The following GPATCH8 variants were observed in gnomAD, a reference collection of about 807,000 sequenced individuals.
GPATCH8 encodes the protein G-patch domain containing 8.
GPATCH8 carries 18 observed loss-of-function variants against 118.3 expected under a neutral mutation model. That is an observed-to-expected ratio of 0.15 (90% CI 0.11 to 0.23). The LOEUF (loss-of-function observed/expected upper bound fraction) is 0.23. Ranked by LOEUF, GPATCH8 falls within the 10% of genes least tolerant of loss-of-function variation. The pLI is 1.00. For synonymous variants in GPATCH8, 659 were observed against 684.7 expected, an observed-to-expected ratio of 0.96 and a Z score of 0.59; for missense variants, 1,631 against 1,873.8, an observed-to-expected ratio of 0.87 and a Z score of 2.39.
chr17:44,439,254 T>G (rs1444219441), intron 3 of GPATCH8, among the ~76,000 whole-genome samples: 2 of 152,186 alleles, frequency 1.3e-5, no homozygotes. Context: ...GAGAACTTTG[T>G]GCATTTGAAT....
chr17:44,418,048 G>C (rs185035457), intron 6 of GPATCH8, among the ~76,000 whole-genome samples: 2 of 152,162 alleles, frequency 1.3e-5, no homozygotes, highest in East Asian at 1.9e-4. Context: ...GTACTAGGAG[G>C]ACCTTTAGTG....
At chr17:44,437,760 G>A (rs866203148) in intron 3 of GPATCH8, among the ~76,000 whole-genome samples, 58 of 151,568 alleles carry the variant, frequency 3.8e-4, no homozygotes, top group African/African-American at 1.4e-3. Context: ...ACTTGTACTC[G>A]GTGGCTCTAT....
At chr17:44,431,378 G>GAAAAAAAAAAAAAAA (rs776468380) in intron 5 of GPATCH8, among the ~76,000 whole-genome samples, 1 of 47,794 alleles carries the variant, frequency 2.1e-5, no homozygotes. Context: ...TCTCAAAAAG[G>GAAAAAAAAAAAAAAA]AAAAAAAAAA....
chr17:44,421,525 C>T (rs1397008696), intron 6 of GPATCH8, among the ~76,000 whole-genome samples: 1 of 151,658 alleles, frequency 6.6e-6, no homozygotes, highest in Non-Finnish European at 1.5e-5. Context: ...ACTACCATGC[C>T]CAGCTAATTT....
At position 44,395,636 on chromosome 17, in the gene GPATCH8, G is replaced by A. The variant is rs778119729; in HGVS notation, c.*1932C>T. Reference sequence around the variant, plus strand: ...AAGAAGTGATGCTTCTGAATCAGATGAGTACTGAACAGGTAGGAGGGTGGG... The same window carrying A: ...AAGAAGTGATGCTTCTGAATCAGATAAGTACTGAACAGGTAGGAGGGTGGG... On this transcript the variant is annotated 3_prime_UTR_variant, in exon 8 of 8. Coordinates refer to ENST00000591680, the MANE Select transcript of GPATCH8 (RefSeq NM_001002909.4). 1 of 454,226 alleles carries A rather than the reference G, an allele frequency of 2.2e-6. No homozygotes were observed. The highest frequency in any genetic ancestry group is 4.4e-6 in the Non-Finnish European group (1 of 226,784). 28.1% of individuals were successfully genotyped at this position (454,226 alleles called of 1,614,324 possible). A position where few individuals can be genotyped will look rare whatever the true frequency, so the allele number is the denominator to read the frequency against.
chr17:44,448,970 G>A lies in GPATCH8; in HGVS notation c.194-12425C>T, dbSNP rs188975469. ...ATTTGCATTAAAAAATGGGGCAAGG[G>A]GATATTTAAAATATCATTTCCTGGG... is the stretch of plus-strand genomic sequence containing the variant. On this transcript the variant is annotated intron_variant, in intron 3 of 7. Transcript: ENST00000591680. 2.4e-3 allele frequency among the ~76,000 whole-genome samples: 364 copies of A among 152,140 alleles called. 4 individuals are homozygous for A. Among genetic ancestry groups the A allele is most frequent in the African/African-American group, 8.4e-3 (348 of 41,508 alleles).
At chr17:44,455,906 C>T (rs903107781) in intron 3 of GPATCH8, among the ~76,000 whole-genome samples, 3 of 152,076 alleles carry the variant, frequency 2.0e-5, no homozygotes, top group African/African-American at 7.2e-5. Flanking sequence ...CGCCACCATG[C>T]CCCGCTAATT....
chr17:44,478,977 C>G (rs1442939689), intron 1 of GPATCH8, among the ~76,000 whole-genome samples: 1 of 152,172 alleles, frequency 6.6e-6, no homozygotes, highest in African/African-American at 2.4e-5. Context: ...TCTAAAAGTT[C>G]TGGGATTACA....
intron 6 of GPATCH8, among the ~76,000 whole-genome samples, chr17:44,420,387 C>A (rs765660449): frequency 6.6e-6 from 1 of 152,114 alleles, no homozygotes. Context: ...TTAATTAATT[C>A]TGATAGAATA....
At chr17:44,487,899 T>C (rs1305701154) in intron 1 of GPATCH8, among the ~76,000 whole-genome samples, 1 of 152,076 alleles carries the variant, frequency 6.6e-6, no homozygotes, top group Admixed American at 6.6e-5. Context: ...TGTTTTTGTG[T>C]TAACGTTAAA....
intron 1 of GPATCH8, among the ~76,000 whole-genome samples, chr17:44,502,992 C>T (rs1970208672): frequency 1.3e-5 from 2 of 152,230 alleles, no homozygotes; most frequent in Non-Finnish European, 2.9e-5. Context: ...CCCTCTTGTC[C>T]CCTGGGAGCC....
Position 44,397,672 on chromosome 17 carries a change from G to C in GPATCH8, c.4405C>G (p.Pro1469Ala), listed in dbSNP as rs142093567. Residue 1469 changes from proline to alanine, a missense_variant, in exon 8 of 8, where the codon CCA (proline) becomes GCA (alanine). Around this residue, in one of 8 missense-constraint regions of GPATCH8, gnomAD observed 65 missense variants for 105.3 expected, o/e 0.62. Transcript: ENST00000591680. The part of the protein sequence containing the change: ...HAALYPTLLA[P>A]RPAAAAATAL... ...GTGGCAGCTGCTGCAGCAGGCCGTG[G>C]AGCAAGTAGGGTGGGGTAGAGGGCA... The C allele has an allele frequency of 1.9e-6, 3 of 1,613,008 alleles. No individual in the cohort carries two copies. The highest frequency in any genetic ancestry group is 1.7e-5 in the Admixed American group (1 of 59,946).
At chr17:44,433,335 T>G (rs1475144687) in intron 5 of GPATCH8, among the ~76,000 whole-genome samples, 2 of 152,210 alleles carry the variant, frequency 1.3e-5, no homozygotes, top group East Asian at 3.8e-4. Context: ...TATTTATTCA[T>G]TCAACTAATA....
At chr17:44,499,054 T>C (rs571414783) in intron 1 of GPATCH8, among the ~76,000 whole-genome samples, 4 of 152,354 alleles carry the variant, frequency 2.6e-5, no homozygotes, top group African/African-American at 7.2e-5. Context: ...TTACATAGAT[T>C]ACAGAAAGTT....
At chr17:44,478,656 G>A (rs763275082) in intron 1 of GPATCH8, among the ~76,000 whole-genome samples, 13 of 151,594 alleles carry the variant, frequency 8.6e-5, no homozygotes, top group Non-Finnish European at 1.5e-4. Flanking sequence ...CCAAGAGTCT[G>A]TCTCAAAAAC....
At chr17:44,402,025 A>T (rs1472160745) in intron 7 of GPATCH8, among the ~76,000 whole-genome samples, 4 of 44,322 alleles carry the variant, frequency 9.0e-5, no homozygotes, top group African/African-American at 2.0e-4. Flanking sequence ...AAAAAAAAAT[A>T]AAAAATAAAG....
In GPATCH8 at chr17:44,487,561, A is replaced by C. The variant is rs1235158629; in HGVS notation, c.46-12658T>G. Among the ~76,000 whole-genome samples, 6 of 152,340 alleles carry C rather than the reference A, an allele frequency of 3.9e-5. No homozygotes were observed. The East Asian group carries it at 1.2e-3, about 29-fold the overall frequency. ...GGATTGAACGGTAAAAAATAGGTTT[A>C]GGTTTGTAAGAAACTGCCAAACTGT... On this transcript the variant is annotated intron_variant, in intron 1 of 7. Coordinates refer to ENST00000591680, the MANE Select transcript of GPATCH8 (RefSeq NM_001002909.4).
At chr17:44,450,604 T>C (rs1359869072) in intron 3 of GPATCH8, among the ~76,000 whole-genome samples, 3 of 152,104 alleles carry the variant, frequency 2.0e-5, no homozygotes, top group Non-Finnish European at 4.4e-5. Context: ...TAAAAATATA[T>C]TACACTTTGT....
At chr17:44,438,238 C>A (rs1478897664) in intron 3 of GPATCH8, among the ~76,000 whole-genome samples, 5 of 152,082 alleles carry the variant, frequency 3.3e-5, no homozygotes, top group Non-Finnish European at 4.4e-5. Flanking sequence ...ATTTTGGTAT[C>A]TTTTTTGATC....
Sources: gnomAD v4.1 joint callset for allele counts (sites outside exome capture counted in the v4.1 genomes callset) on GRCh38, gnomAD v4.1.1 for gene constraint, gnomAD v4.1.1 regional missense constraint, MANE v1.5 for transcripts, NCBI Gene and HGNC (gene_info 2026-07-23, HGNC 2026-07-21) for gene names.